CDH13: variants seen among roughly 807,000 people sequenced by gnomAD.
The protein encoded by CDH13 is cadherin 13.
Under a neutral mutation model 63.8 loss-of-function variants are expected in CDH13, and 24 were observed. That is an observed-to-expected ratio of 0.38 (90% CI 0.27 to 0.53). The LOEUF is 0.53. CDH13 is among the 20% of genes least tolerant of loss of function. The probability of loss-of-function intolerance (pLI) is 0.85; values close to 1 mark genes in which losing one functional copy is unlikely to be tolerated. For synonymous variants in CDH13, 503 were observed against 355.3 expected, an observed-to-expected ratio of 1.42 and a Z score of -4.67; for missense variants, 1,049 against 903.1, an observed-to-expected ratio of 1.16 and a Z score of -2.07.
chr16:82,772,099 A>C (rs796881467), intron 1 of CDH13, among the ~76,000 whole-genome samples: 4 of 152,294 alleles, frequency 2.6e-5, no homozygotes, highest in African/African-American at 9.6e-5. Flanking sequence ...GTCGGTTAGC[A>C]ATGGCTTGGA....
intron 8 of CDH13, among the ~76,000 whole-genome samples, chr16:83,644,657 C>G (rs1911621165): frequency 6.6e-6 from 1 of 152,174 alleles, no homozygotes; most frequent in Admixed American, 6.5e-5. Context: ...GGCTGCCATA[C>G]AGAGGATGAG....
intron 11 of CDH13, among the ~76,000 whole-genome samples, chr16:83,778,145 C>T (rs1203320398): frequency 1.3e-5 from 2 of 152,176 alleles, no homozygotes; most frequent in African/African-American, 2.4e-5. Flanking sequence ...GTCCCAAGAG[C>T]AAACCTCTAA....
At chr16:83,457,678 C>T (rs1327784435) in intron 6 of CDH13, among the ~76,000 whole-genome samples, 1 of 152,064 alleles carries the variant, frequency 6.6e-6, no homozygotes, top group African/African-American at 2.4e-5. Flanking sequence ...GGCTGAAAGA[C>T]AGGGAACCAG....
At position 82,684,402 on chromosome 16, in the gene CDH13, A is replaced by G. The variant is rs572291070; in HGVS notation, c.45+57265A>G. Among the ~76,000 whole-genome samples, 18 of 152,202 alleles carry G rather than the reference A, an allele frequency of 1.2e-4. No individual in the cohort carries two copies. The East Asian group carries it at 3.1e-3, about 26-fold the overall frequency. ...CAAGTAGGTTTTGTTTTGTGGGTCA[A>G]CTCACATGAAGAGGATGCCTAGATG... On this transcript the variant is annotated intron_variant, in intron 1 of 13. Transcript: ENST00000567109.
intron 2 of CDH13, among the ~76,000 whole-genome samples, chr16:82,903,103 C>G (rs1165781487): frequency 1.3e-5 from 2 of 152,246 alleles, no homozygotes; most frequent in East Asian, 1.9e-4. Flanking sequence ...GATTCAGAGA[C>G]TTTAAAGCAC....
chr16:83,737,566 A>G (rs1911654455), intron 10 of CDH13, among the ~76,000 whole-genome samples: 1 of 151,940 alleles, frequency 6.6e-6, no homozygotes, highest in African/African-American at 2.4e-5. Context: ...TTCCTGAGTT[A>G]TTCCCCACTA....
chr16:83,573,850 A>G (rs979295176), intron 7 of CDH13, among the ~76,000 whole-genome samples: 9 of 152,196 alleles, frequency 5.9e-5, no homozygotes, highest in African/African-American at 1.9e-4. Flanking sequence ...GCTTTGTGAC[A>G]GCAACATACA....
chr16:83,352,765 C>A (rs1203199589), intron 6 of CDH13, among the ~76,000 whole-genome samples: 1 of 152,168 alleles, frequency 6.6e-6, no homozygotes, highest in Non-Finnish European at 1.5e-5. Context: ...TGGCAGGCAC[C>A]TGTAGTCCCA....
intron 10 of CDH13, among the ~76,000 whole-genome samples, chr16:83,714,864 T>C (rs1354891021): frequency 2.0e-5 from 3 of 152,156 alleles, no homozygotes; most frequent in Non-Finnish European, 4.4e-5. Context: ...CTTTAATTCC[T>C]AATTAACGGT....
At chr16:83,581,187 G>A (rs1207320530) in intron 7 of CDH13, among the ~76,000 whole-genome samples, 6 of 152,136 alleles carry the variant, frequency 3.9e-5, no homozygotes, top group African/African-American at 4.8e-5. Flanking sequence ...ACAAATGCAC[G>A]TGGGCATTTG....
intron 6 of CDH13, among the ~76,000 whole-genome samples, chr16:83,403,610 G>T (rs866538394): frequency 6.6e-6 from 1 of 151,932 alleles, no homozygotes; most frequent in Admixed American, 6.6e-5. Context: ...GCGACAGAGC[G>T]AGACTCCGTC....
At chr16:83,451,399 G>T (rs927807261) in intron 6 of CDH13, among the ~76,000 whole-genome samples, 1 of 152,134 alleles carries the variant, frequency 6.6e-6, no homozygotes, top group Non-Finnish European at 1.5e-5. Flanking sequence ...GAAAATACCT[G>T]CCCCCATGAT....
chr16:83,756,853 C>T (rs1377972777), intron 11 of CDH13, among the ~76,000 whole-genome samples: 1 of 152,164 alleles, frequency 6.6e-6, no homozygotes, highest in African/African-American at 2.4e-5. Context: ...AGTCTTAAAA[C>T]ATCTCTCATA....
rs115491427 is a variant in CDH13, at chr16:82,756,700, C to T, written c.46-101662C>T. Among the ~76,000 whole-genome samples, 671 of 152,152 alleles carry T rather than the reference C, an allele frequency of 4.4e-3. 2 individuals carry two copies. The highest frequency in any genetic ancestry group is 0.016 in the African/African-American group (648 of 41,500). ...TCCTTCCTCGTTAGTATTTTTCCTTCCCTGAGGAGGAAACAGAGAATTAGG... is the reference window on the plus strand; with the variant it reads ...TCCTTCCTCGTTAGTATTTTTCCTTTCCTGAGGAGGAAACAGAGAATTAGG... On this transcript the variant is annotated intron_variant, in intron 1 of 13. Coordinates refer to ENST00000567109, the MANE Select transcript of CDH13 (RefSeq NM_001257.5).
In CDH13 at chr16:82,907,831, T is replaced by C. The variant is rs568053974; in HGVS notation, c.157+49358T>C. 9.1e-4 allele frequency among the ~76,000 whole-genome samples: 138 copies of C among 152,308 alleles called. 1 individual carries two copies. Among genetic ancestry groups the C allele is most frequent in the African/African-American group, 3.1e-3 (129 of 41,582 alleles). On this transcript the variant is annotated intron_variant, in intron 2 of 13. Transcript: ENST00000567109. ...ACTCTGTTCCCATTCTATTTCTCACTAGTATTTTGAGTATGTTCCCCCCAA... is the reference window on the plus strand; with the variant it reads ...ACTCTGTTCCCATTCTATTTCTCACCAGTATTTTGAGTATGTTCCCCCCAA...
chr16:83,192,850 G>A (rs962714792), intron 4 of CDH13, among the ~76,000 whole-genome samples: 3 of 151,980 alleles, frequency 2.0e-5, no homozygotes, highest in East Asian at 3.9e-4. Context: ...GACTCGGGGC[G>A]AACAGTGCAT....
rs555429151 is a variant in CDH13, at chr16:83,549,487, G to A, written c.961-52967G>A. ...TCAGGCTGCCTGCTGCCGGTTGCAG[G>A]CTGCCATATGCTTCACCTGCTTGTG... On this transcript the variant is annotated intron_variant, in intron 7 of 13. Coordinates refer to ENST00000567109, the MANE Select transcript of CDH13 (RefSeq NM_001257.5). Among the ~76,000 whole-genome samples the A allele has an allele frequency of 1.3e-3, 194 of 152,222 alleles. 1 individual carries two copies. The highest frequency in any genetic ancestry group is 2.0e-3 in the Non-Finnish European group (136 of 68,014).
At chr16:83,546,287 C>T (rs1281901258) in intron 7 of CDH13, among the ~76,000 whole-genome samples, 3 of 152,158 alleles carry the variant, frequency 2.0e-5, no homozygotes, top group Admixed American at 6.5e-5. Flanking sequence ...CATCCCCAGA[C>T]TCTTGGCATC....
chr16:82,863,091 G>C (rs16958781), intron 2 of CDH13, among the ~76,000 whole-genome samples: 1 of 152,244 alleles, frequency 6.6e-6, no homozygotes, highest in East Asian at 1.9e-4. Flanking sequence ...CATGGGTATC[G>C]ATGCAGGATC....
Sources: gnomAD v4.1 joint callset for allele counts (sites outside exome capture counted in the v4.1 genomes callset) on GRCh38, gnomAD v4.1.1 for gene constraint, MANE v1.5 for transcripts, NCBI Gene and HGNC (gene_info 2026-07-23, HGNC 2026-07-21) for gene names.